Variants in GABRG1 observed in about 807,000 individuals in gnomAD.
GABRG1 encodes gamma-aminobutyric acid type A receptor subunit gamma1.
A neutral mutation model predicts 49.8 loss-of-function variants in GABRG1; 49 were observed. The ratio of observed to expected loss-of-function variants is 0.98; its 90% CI spans 0.78 to 1.25. The LOEUF (loss-of-function observed/expected upper bound fraction) is 1.25. Ranked by LOEUF, GABRG1 falls within the 50% of genes most tolerant of loss-of-function variation. GABRG1 has a pLI of 0.00. For synonymous variants in GABRG1, 232 were observed against 185.1 expected (o/e 1.25, Z -2.06); for missense variants, 552 against 552.3 (o/e 1.00, Z 0.01).
chr4:46,118,919 T>C (rs1721014646), intron 1 of GABRG1, among the ~76,000 whole-genome samples: 1 of 151,394 alleles, frequency 6.6e-6, no homozygotes, highest in African/African-American at 2.4e-5. Context: ...AGATAACTTT[T>C]GTATTGGGAG....
intron 7 of GABRG1, among the ~76,000 whole-genome samples, chr4:46,053,693 T>A (rs1718328106): frequency 6.6e-6 from 1 of 152,140 alleles, no homozygotes; most frequent in East Asian, 1.9e-4. Context: ...TGTGGTTTCA[T>A]TTTGTTATCC....
intron 3 of GABRG1, among the ~76,000 whole-genome samples, chr4:46,069,505 C>G (rs2109412095): frequency 6.6e-6 from 1 of 152,108 alleles, no homozygotes; most frequent in East Asian, 1.9e-4. Flanking sequence ...TGGTGTTATT[C>G]TATGTTTGAA....
chr4:46,121,706 G>A (rs1280461320), intron 1 of GABRG1, among the ~76,000 whole-genome samples: 3 of 151,492 alleles, frequency 2.0e-5, no homozygotes, highest in Non-Finnish European at 1.5e-5. Flanking sequence ...TATGTTTTTG[G>A]GGGTACTTTT....
Position 46,097,263 on chromosome 4 carries a change from A to G in GABRG1, c.191T>C (p.Ile64Thr). The G allele has an allele frequency of 6.2e-7, 1 of 1,611,186 alleles. No individual in the cohort carries two copies. The highest frequency in any genetic ancestry group is 8.5e-7 in the Non-Finnish European group (1 of 1,178,164). Reference sequence around the variant, plus strand: ...AAGCAATGAATTCAGAATTTGTGTGATATCTCCTTCATGAATTTTTGGGGC... The same window carrying G: ...AAGCAATGAATTCAGAATTTGTGTGGTATCTCCTTCATGAATTTTTGGGGC... ...VLAPKIHEGD[I>T]TQILNSLLQG... is the part of the protein sequence containing the mutation. Residue 64 changes from isoleucine to threonine, a missense_variant, in exon 2 of 9, where the codon ATC becomes ACC. Physicochemically the swap from Ile to Thr is moderately conservative, Grantham distance 89. Coordinates refer to ENST00000295452, the MANE Select transcript of GABRG1 (RefSeq NM_173536.4).
intron 1 of GABRG1, among the ~76,000 whole-genome samples, chr4:46,099,505 A>T (rs993655470): frequency 1.3e-5 from 2 of 151,688 alleles, no homozygotes; most frequent in East Asian, 3.9e-4. Context: ...CCACAGCATA[A>T]CCTAATGTGT....
intron 1 of GABRG1, among the ~76,000 whole-genome samples, chr4:46,099,104 C>G (rs1174723833): frequency 2.6e-5 from 4 of 151,542 alleles, no homozygotes; most frequent in Non-Finnish European, 4.4e-5. Context: ...GTATTATTAA[C>G]AATGTTTCTC....
intron 1 of GABRG1, among the ~76,000 whole-genome samples, chr4:46,108,051 AG>A (rs1403396729): frequency 6.6e-6 from 1 of 151,262 alleles, no homozygotes; most frequent in Non-Finnish European, 1.5e-5. Context: ...ATTTGTCAGA[AG>A]GAACATTAGA....
chr4:46,114,553 T>A (rs1258423208), intron 1 of GABRG1, among the ~76,000 whole-genome samples: 2 of 150,932 alleles, frequency 1.3e-5, no homozygotes, highest in East Asian at 3.9e-4. Flanking sequence ...GGTATTTAAA[T>A]ACCTTAGAGC....
At chr4:46,094,007 C>A (rs954982577) in intron 2 of GABRG1, among the ~76,000 whole-genome samples, 1 of 151,822 alleles carries the variant, frequency 6.6e-6, no homozygotes, top group Non-Finnish European at 1.5e-5. Flanking sequence ...ATACCAATAA[C>A]AAAAATATAC....
chr4:46,041,187 T>A lies in GABRG1; in HGVS notation c.1199A>T (p.Asp400Val), dbSNP rs369852361. The change falls in exon 9 of 9, where the codon GAT (aspartate) becomes GTT (valine). Residue 400 changes from aspartate to valine, a missense_variant. By Grantham distance (152) the Asp-to-Val change is radical. Transcript: ENST00000295452. ...CTCCAAACACTGATACCCATAATCA[T>A]CTTCTTGCGGCACAGAAATATTATT... is the stretch of plus-strand genomic sequence containing the variant. ...PMNNISVPQE[D>V]DYGYQCLEGK... 2.4e-5 allele frequency: 38 copies of A among 1,612,772 alleles called. No homozygotes were observed. Among genetic ancestry groups the A allele is most frequent in the Admixed American group, 1.5e-4 (9 of 59,806 alleles).
chr4:46,088,380 A>G (rs1165889599), intron 2 of GABRG1, among the ~76,000 whole-genome samples: 10 of 152,040 alleles, frequency 6.6e-5, no homozygotes, highest in African/African-American at 2.4e-4. Flanking sequence ...TTACACATAA[A>G]CACAAAATAT....
At chr4:46,086,932 A>G (rs1346198931) in intron 2 of GABRG1, among the ~76,000 whole-genome samples, 1 of 142,724 alleles carries the variant, frequency 7.0e-6, no homozygotes, top group Admixed American at 7.2e-5. Flanking sequence ...GAATAAAAGA[A>G]TGGCTACTCC....
intron 5 of GABRG1, among the ~76,000 whole-genome samples, chr4:46,061,195 A>C (rs970539140): frequency 6.6e-6 from 1 of 152,132 alleles, no homozygotes; most frequent in Non-Finnish European, 1.5e-5. Flanking sequence ...GAGTTCCTTG[A>C]ATTCTATCAA....
chr4:46,096,396 G>A lies in GABRG1; in HGVS notation c.253+805C>T, dbSNP rs193266113. Among the ~76,000 whole-genome samples the A allele has an allele frequency of 3.3e-5, 5 of 151,586 alleles. No individual in the cohort carries two copies. In the East Asian group the frequency reaches 9.7e-4, roughly 30 times the overall value. On this transcript the variant is annotated intron_variant, in intron 2 of 8. Transcript: ENST00000295452. Reference sequence around the variant, plus strand: ...GAAGGTAAAACTAGAACAAAAACAGGAAGCTTCCAAAATACTAAAATAAAA... The same window carrying A: ...GAAGGTAAAACTAGAACAAAAACAGAAAGCTTCCAAAATACTAAAATAAAA...
At chr4:46,061,283 T>C (rs747263999) in intron 5 of GABRG1, among the ~76,000 whole-genome samples, 1 of 152,006 alleles carries the variant, frequency 6.6e-6, no homozygotes, top group Non-Finnish European at 1.5e-5. Flanking sequence ...AGGTAGATCA[T>C]TAATATAAAA....
At chr4:46,099,509 A>G (rs1720303735) in intron 1 of GABRG1, among the ~76,000 whole-genome samples, 1 of 151,694 alleles carries the variant, frequency 6.6e-6, no homozygotes, top group South Asian at 2.1e-4. Flanking sequence ...AGCATAACCT[A>G]ATGTGTCTTG....
At chr4:46,072,295 C>T (rs1211256795) in intron 3 of GABRG1, among the ~76,000 whole-genome samples, 1 of 152,004 alleles carries the variant, frequency 6.6e-6, no homozygotes, top group African/African-American at 2.4e-5. Context: ...GTGAAATTGA[C>T]TAAAGATACA....
At chr4:46,041,285 T>A in intron 8 of GABRG1, 31 bp from the exon 9 acceptor site, 1 of 1,599,500 alleles carries the variant, frequency 6.3e-7, no homozygotes. Flanking sequence ...ATTTTTGACA[T>A]CAAAAAAGTA....
chr4:46,093,069 TA>T (rs10627690), intron 2 of GABRG1, among the ~76,000 whole-genome samples: 2,139 of 122,222 alleles, frequency 0.018, 57 homozygotes, highest in African/African-American at 0.057. Context: ...AACTCCATCT[TA>T]AAAAAAAAAA....
Sources: gnomAD v4.1 joint callset for allele counts (sites outside exome capture counted in the v4.1 genomes callset) on GRCh38, gnomAD v4.1.1 for gene constraint, MANE v1.5 for transcripts, NCBI Gene and HGNC (gene_info 2026-07-23, HGNC 2026-07-21) for gene names.